The following GRM8 variants were observed in gnomAD, a reference collection of about 807,000 sequenced individuals.
The protein encoded by GRM8 is glutamate metabotropic receptor 8.
GRM8 carries 47 observed loss-of-function variants against 87.2 expected under a neutral mutation model. The observed-to-expected ratio is 0.54, with a 90% CI of 0.43 to 0.69. The LOEUF is 0.69. Ranked by LOEUF, GRM8 falls within the 30% of genes least tolerant of loss-of-function variation. The pLI is 0.00. For synonymous variants in GRM8, 396 were observed against 404.5 expected (o/e 0.98, Z 0.25); for missense variants, 1,019 against 1,139.2 (o/e 0.89, Z 1.52).
chr7:126,764,528 A>G (rs1817982869), intron 7 of GRM8, among the ~76,000 whole-genome samples: 1 of 152,094 alleles, frequency 6.6e-6, no homozygotes, highest in African/African-American at 2.4e-5. Context: ...AAATCAGACT[A>G]TAGTGTTCAG....
chr7:126,972,540 C>T (rs1250533045), intron 3 of GRM8, among the ~76,000 whole-genome samples: 1 of 151,660 alleles, frequency 6.6e-6, no homozygotes, highest in Non-Finnish European at 1.5e-5. Flanking sequence ...ATTTTTTCAA[C>T]TAAATTCTTT....
At chr7:127,103,313 G>A (rs1237759737) in intron 3 of GRM8, among the ~76,000 whole-genome samples, 1 of 152,240 alleles carries the variant, frequency 6.6e-6, no homozygotes, top group East Asian at 1.9e-4. Flanking sequence ...GGGCCTGGTG[G>A]AAGGTGTTTG....
intron 2 of GRM8, chr7:127,229,174 T>A (rs1412517676): frequency 6.6e-6 from 1 of 152,146 alleles, no homozygotes; most frequent in Non-Finnish European, 1.5e-5. Flanking sequence ...TAAGGGTAAA[T>A]ATAAGTCTTA....
intron 8 of GRM8, among the ~76,000 whole-genome samples, chr7:126,569,998 A>T (rs971814678): frequency 6.6e-6 from 1 of 152,208 alleles, no homozygotes; most frequent in African/African-American, 2.4e-5. Context: ...ACCTGAATTG[A>T]GTCTATTATT....
chr7:126,883,717 C>G (rs186304272), intron 6 of GRM8, among the ~76,000 whole-genome samples: 5 of 152,170 alleles, frequency 3.3e-5, no homozygotes, highest in Non-Finnish European at 7.4e-5. Context: ...CAGAATCATG[C>G]AAAGCAGAAG....
At chr7:127,244,988 A>C (rs1417674844) in intron 1 of GRM8, among the ~76,000 whole-genome samples, 1 of 152,098 alleles carries the variant, frequency 6.6e-6, no homozygotes, top group African/African-American at 2.4e-5. Context: ...TGCTGCCCCC[A>C]AAATACTTTC....
chr7:127,197,873 T>C (rs1246459131), intron 2 of GRM8, among the ~76,000 whole-genome samples: 2 of 152,206 alleles, frequency 1.3e-5, no homozygotes, highest in African/African-American at 4.8e-5. Flanking sequence ...ACTTACCTCC[T>C]CTGGGTGATA....
chr7:126,871,481 T>C lies in GRM8; in HGVS notation c.1156+31061A>G, dbSNP rs563507136. 5.6e-4 allele frequency among the ~76,000 whole-genome samples: 85 copies of C among 152,276 alleles called. 1 individual carries two copies. In the South Asian group the frequency reaches 0.017, roughly 30 times the overall value. On this transcript the variant is annotated intron_variant, in intron 6 of 10. Coordinates refer to ENST00000339582, the MANE Select transcript of GRM8 (RefSeq NM_000845.3). ...CATTTGTCTTTTGGAAATGAAATAATCAAATCACCTTTCTGAGCAGTATAC... is the reference window on the plus strand; with the variant it reads ...CATTTGTCTTTTGGAAATGAAATAACCAAATCACCTTTCTGAGCAGTATAC...
intron 6 of GRM8, among the ~76,000 whole-genome samples, chr7:126,776,832 T>G (rs1585889485): frequency 1.3e-5 from 2 of 152,280 alleles, no homozygotes; most frequent in Admixed American, 1.3e-4. Context: ...TCAGGGCCCC[T>G]CCAGCTCTGA....
At position 126,904,026 on chromosome 7, in the gene GRM8, C is replaced by A; in HGVS notation, c.964G>T (p.Glu322Ter). 6.3e-7 allele frequency: 1 copy of A among 1,593,882 alleles called. No individual in the cohort carries two copies. The highest frequency in any genetic ancestry group is 8.6e-7 in the Non-Finnish European group (1 of 1,162,214). The part of the protein sequence containing the change: ...GSKIAPVYQQ[E>*]EIAEGAVTIL... ...GTCACAGCCCCTTCTGCAATCTCCT[C>A]TTGCTGATAGACAGGTGCTATTTTG... is the stretch of plus-strand genomic sequence containing the variant. Residue 322 changes from glutamate (E) to a stop codon, truncating the protein, a stop_gained, in exon 5 of 11, where the codon GAG (glutamate) becomes TAG (stop). Coordinates refer to ENST00000339582, the MANE Select transcript of GRM8 (RefSeq NM_000845.3). LOFTEE classifies it high-confidence loss of function.
chr7:126,852,296 C>G lies in GRM8; in HGVS notation c.1156+50246G>C, dbSNP rs148691054. Among the ~76,000 whole-genome samples, 425 of 152,296 alleles carry G rather than the reference C, an allele frequency of 2.8e-3. 5 individuals are homozygous for G. Among genetic ancestry groups the G allele is most frequent in the African/African-American group, 9.7e-3 (404 of 41,560 alleles). On this transcript the variant is annotated intron_variant, in intron 6 of 10. Coordinates refer to ENST00000339582, the MANE Select transcript of GRM8 (RefSeq NM_000845.3). The stretch of plus-strand genomic sequence containing the variant: ...CCATAACATTGTGCTTTGAGCTAGA[C>G]AGCAGCGCCTGACATGTTGTTTTTC...
At chr7:126,684,458 G>A (rs998445092) in intron 7 of GRM8, among the ~76,000 whole-genome samples, 3 of 152,206 alleles carry the variant, frequency 2.0e-5, no homozygotes, top group Admixed American at 2.0e-4. Flanking sequence ...TGGGACAGAG[G>A]TGTCCTCAAG....
At chr7:126,797,615 GACA>G (rs1018800233) in intron 6 of GRM8, among the ~76,000 whole-genome samples, 1 of 152,056 alleles carries the variant, frequency 6.6e-6, no homozygotes, top group African/African-American at 2.4e-5. Context: ...GAAGTCTACT[GACA>G]ATTCTCTGAA....
chr7:126,519,528 T>C (rs1423498750), intron 9 of GRM8, among the ~76,000 whole-genome samples: 1 of 152,078 alleles, frequency 6.6e-6, no homozygotes, highest in Non-Finnish European at 1.5e-5. Context: ...TAAAAAAGTC[T>C]CTTCTACAGA....
intron 3 of GRM8, among the ~76,000 whole-genome samples, chr7:126,998,802 G>A (rs1586712560): frequency 6.6e-6 from 1 of 151,822 alleles, no homozygotes; most frequent in East Asian, 1.9e-4. Context: ...AGGATTGAAG[G>A]AATCAATATT....
At chr7:127,043,799 C>T (rs143212470) in intron 3 of GRM8, among the ~76,000 whole-genome samples, 20 of 152,146 alleles carry the variant, frequency 1.3e-4, no homozygotes, top group African/African-American at 2.6e-4. Flanking sequence ...AAACCCTTTG[C>T]GGATAGGTGG....
intron 2 of GRM8, among the ~76,000 whole-genome samples, chr7:127,182,965 G>T (rs1355481284): frequency 6.6e-6 from 1 of 151,674 alleles, no homozygotes; most frequent in African/African-American, 2.4e-5. Context: ...TCGGGTGATG[G>T]ATGAACCAAA....
intron 3 of GRM8, among the ~76,000 whole-genome samples, chr7:127,004,991 A>G (rs1044001409): frequency 1.3e-5 from 2 of 151,820 alleles, no homozygotes; most frequent in Middle Eastern, 3.4e-3. Flanking sequence ...AAGAGGAAGA[A>G]AAGGAGGAGA....
intron 2 of GRM8, among the ~76,000 whole-genome samples, chr7:127,233,876 C>T (rs1587346427): frequency 6.6e-6 from 1 of 152,218 alleles, no homozygotes; most frequent in Non-Finnish European, 1.5e-5. Context: ...GCCTAGACCC[C>T]TACACCTTGC....
Sources: allele counts gnomAD v4.1 joint callset (sites outside exome capture counted in the v4.1 genomes callset), GRCh38; gene constraint gnomAD v4.1.1; transcripts MANE v1.5; gene names NCBI Gene and HGNC (gene_info 2026-07-23, HGNC 2026-07-21).